VSTM4: variants seen among roughly 807,000 people sequenced by gnomAD.
VSTM4 encodes the protein V-set and transmembrane domain containing 4, also known as V-set and transmembrane domain-containing protein 4.
In VSTM4, 20 loss-of-function variants were observed where a neutral mutation model predicts 36.4. The ratio of observed to expected loss-of-function variants is 0.55; its 90% CI spans 0.39 to 0.80. The LOEUF is 0.80. VSTM4 is among the 30% of genes least tolerant of loss of function. VSTM4 has a pLI of 0.00. For synonymous variants in VSTM4, 182 were observed against 173.9 expected (o/e 1.05, Z -0.37); for missense variants, 392 against 404.5 (o/e 0.97, Z 0.26).
At chr10:49,053,089 T>C (rs532069224) in intron 5 of VSTM4, among the ~76,000 whole-genome samples, 4 of 152,366 alleles carry the variant, frequency 2.6e-5, no homozygotes, top group Admixed American at 2.6e-4. Context: ...GGCTATATTT[T>C]GTCTCTGACA....
chr10:49,048,837 G>A (rs1590085806), intron 5 of VSTM4, among the ~76,000 whole-genome samples: 1 of 152,200 alleles, frequency 6.6e-6, no homozygotes. Flanking sequence ...TGAATGTGCT[G>A]TTTACAGTCC....
At chr10:49,058,216 C>T (rs908942160) in intron 5 of VSTM4, among the ~76,000 whole-genome samples, 4 of 152,096 alleles carry the variant, frequency 2.6e-5, no homozygotes, top group East Asian at 3.9e-4. Flanking sequence ...ATCTCAATCC[C>T]GTAAGTAGAG....
In VSTM4 at chr10:49,104,304, A is replaced by AAACAACAAC. The variant is rs71298784; in HGVS notation, c.457+3281_457+3289dup. Among the ~76,000 whole-genome samples the AAACAACAAC allele has an allele frequency of 3.3e-5, 5 of 152,070 alleles. No homozygotes were observed. The East Asian group carries it at 9.7e-4, about 30-fold the overall frequency. On this transcript the variant is annotated intron_variant, in intron 2 of 7. Transcript: ENST00000332853. ...ACAGAGCAAGGAGACTCTGTCTCAA[A>AAACAACAAC]AACAACAACAACAACTATGAACATG...
chr10:49,076,515 G>T (rs1844181178), intron 4 of VSTM4, among the ~76,000 whole-genome samples: 1 of 152,190 alleles, frequency 6.6e-6, no homozygotes, highest in Non-Finnish European at 1.5e-5. Flanking sequence ...CTGTTTTGGA[G>T]ATTCTGAAGC....
intron 7 of VSTM4, among the ~76,000 whole-genome samples, chr10:49,040,894 G>C (rs1428218570): frequency 1.3e-5 from 2 of 152,164 alleles, no homozygotes; most frequent in East Asian, 3.8e-4. Flanking sequence ...AGGGGCTGGG[G>C]AGCTCTGTGG....
At chr10:49,063,167 C>T (rs921481211) in intron 5 of VSTM4, among the ~76,000 whole-genome samples, 3 of 151,834 alleles carry the variant, frequency 2.0e-5, no homozygotes, top group South Asian at 2.1e-4. Context: ...GGTGAAATCC[C>T]GTCTCTACTA....
At chr10:49,065,188 G>C (rs1003171147) in intron 4 of VSTM4, among the ~76,000 whole-genome samples, 7 of 152,196 alleles carry the variant, frequency 4.6e-5, no homozygotes, top group Admixed American at 1.3e-4. Context: ...CTCGGGAAAA[G>C]AGTCTTGGAC....
intron 4 of VSTM4, among the ~76,000 whole-genome samples, chr10:49,073,686 A>G (rs1564583401): frequency 6.6e-6 from 1 of 152,238 alleles, no homozygotes; most frequent in Non-Finnish European, 1.5e-5. Context: ...TGTTCTGATT[A>G]TAGCACTGAT....
Position 49,048,565 on chromosome 10 carries a change from T to C in VSTM4, c.688A>G (p.Ser230Gly), listed in dbSNP as rs1843650374. ...TGTAGTGGGGCCAAGCTGGTCACGC[T>C]AGTGACAGTCTCCCCTGAGCTGTAG... The part of the protein sequence containing the change: ...PQNSSGETVT[S>G]VTSLAPLQPK... Residue 230 changes from serine to glycine, a missense_variant, in exon 6 of 8, where the codon AGC (serine) becomes GGC (glycine). By Grantham distance (56) the Ser-to-Gly change is moderately conservative. Transcript: ENST00000332853. 1 of 1,593,404 alleles carries C rather than the reference T, an allele frequency of 6.3e-7. No individual in the cohort carries two copies. The highest frequency in any genetic ancestry group is 8.5e-7 in the Non-Finnish European group (1 of 1,173,246).
intron 2 of VSTM4, among the ~76,000 whole-genome samples, chr10:49,101,735 C>T (rs1350235434): frequency 2.0e-5 from 3 of 152,194 alleles, no homozygotes; most frequent in African/African-American, 7.2e-5. Flanking sequence ...CCCAGCAATT[C>T]CCTTTCCAGG....
intron 7 of VSTM4, 91 bp from the exon 8 acceptor site, chr10:49,019,866 G>T (rs1036656402): frequency 6.8e-7 from 1 of 1,480,356 alleles, no homozygotes; most frequent in Admixed American, 2.2e-5. Flanking sequence ...CATGTTCATA[G>T]CATTTTGGGA....
chr10:49,049,768 T>C (rs1590086546), intron 5 of VSTM4, among the ~76,000 whole-genome samples: 2 of 143,116 alleles, frequency 1.4e-5, no homozygotes, highest in African/African-American at 2.5e-5. Flanking sequence ...TTTTTTTTTT[T>C]CCAAATCAAA....
chr10:49,081,930 G>A lies in VSTM4; in HGVS notation c.526+4025C>T, dbSNP rs112626378. 2.3e-3 allele frequency among the ~76,000 whole-genome samples: 349 copies of A among 152,268 alleles called. 1 individual carries two copies. Among genetic ancestry groups the A allele is most frequent in the Non-Finnish European group, 3.7e-3 (249 of 68,016 alleles). The stretch of plus-strand genomic sequence containing the variant: ...GCAGCAACCAGTATGCCTATGTTCC[G>A]AATTTTTTTCCCTTCTGTTACAAGC... On this transcript the variant is annotated intron_variant, in intron 3 of 7. Coordinates refer to ENST00000332853, the MANE Select transcript of VSTM4 (RefSeq NM_001031746.5).
chr10:49,057,039 CTT>C (rs1297622411), intron 5 of VSTM4, among the ~76,000 whole-genome samples: 9 of 151,854 alleles, frequency 5.9e-5, no homozygotes, highest in Non-Finnish European at 1.2e-4. Flanking sequence ...GGGCCAGGCT[CTT>C]TTAAACAACT....
intron 4 of VSTM4, among the ~76,000 whole-genome samples, chr10:49,074,424 T>A (rs1351961713): frequency 1.3e-5 from 2 of 152,216 alleles, no homozygotes; most frequent in East Asian, 3.8e-4. Context: ...GCAGCAGAGC[T>A]GGCTGGAAAT....
chr10:49,070,112 G>T (rs1395494809), intron 4 of VSTM4, among the ~76,000 whole-genome samples: 1 of 114,672 alleles, frequency 8.7e-6, no homozygotes, highest in Non-Finnish European at 1.7e-5. Context: ...AATCAGCCGG[G>T]CGTAGTGGCG....
chr10:49,087,974 CATATGTAATATATATGTGTATAT>C (rs1564589379), intron 2 of VSTM4, among the ~76,000 whole-genome samples: 1 of 130,778 alleles, frequency 7.6e-6, no homozygotes, highest in African/African-American at 4.0e-5. Flanking sequence ...TGTATATATA[CATATGTAATATATATGTGTATAT>C]ACACATGTAA....
intron 4 of VSTM4, among the ~76,000 whole-genome samples, chr10:49,065,646 C>G (rs1028510280): frequency 6.6e-6 from 1 of 152,142 alleles, no homozygotes; most frequent in African/African-American, 2.4e-5. Context: ...GCCAAGGCCC[C>G]GAACAACCAG....
intron 7 of VSTM4, among the ~76,000 whole-genome samples, chr10:49,044,158 A>G (rs186274075): frequency 5.7e-4 from 87 of 151,866 alleles, no homozygotes; most frequent in African/African-American, 2.0e-3. Flanking sequence ...TGAAACCCCA[A>G]CTCTACTAAA....
Sources: gnomAD v4.1 joint callset for allele counts (sites outside exome capture counted in the v4.1 genomes callset) on GRCh38, gnomAD v4.1.1 for gene constraint, MANE v1.5 for transcripts, NCBI Gene and HGNC (gene_info 2026-07-23, HGNC 2026-07-21) for gene names.